Variants in PGBD5 observed in about 807,000 individuals in gnomAD.
PGBD5 encodes piggyBac transposable element-derived protein 5.
In PGBD5, 14 loss-of-function variants were observed where a neutral mutation model predicts 47.9. That is an observed-to-expected ratio of 0.29 (90% CI 0.19 to 0.46). PGBD5 has a LOEUF of 0.46. Ranked by LOEUF, PGBD5 falls within the 20% of genes least tolerant of loss-of-function variation. The pLI is 1.00. For synonymous variants in PGBD5, 316 were observed against 306.3 expected (o/e 1.03, Z -0.33); for missense variants, 635 against 716.0 (o/e 0.89, Z 1.29).
chr1:230,381,583 T>C (rs1050003773), intron 1 of PGBD5, among the ~76,000 whole-genome samples: 1 of 152,248 alleles, frequency 6.6e-6, no homozygotes, highest in East Asian at 1.9e-4. Flanking sequence ...CCCAGGCACT[T>C]AGCAGTGGGA....
chr1:230,349,534 C>CAAA (rs11446040), intron 3 of PGBD5, among the ~76,000 whole-genome samples: 1,309 of 82,374 alleles, frequency 0.016, 45 homozygotes, highest in Middle Eastern at 0.023. Context: ...GACCCCGTCT[C>CAAA]AAAAAAAAAA....
At chr1:230,374,088 A>G (rs1667975103) in intron 1 of PGBD5, among the ~76,000 whole-genome samples, 1 of 152,232 alleles carries the variant, frequency 6.6e-6, no homozygotes, top group Non-Finnish European at 1.5e-5. Flanking sequence ...CTCTCTCTAC[A>G]TTAAAAGGAA....
rs1457440293 is a variant in PGBD5, at chr1:230,316,058, GTA to G, written c.*7365_*7366del. 1.6e-3 allele frequency: 198 copies of G among 122,316 alleles called. 23 individuals carry two copies. Among genetic ancestry groups the G allele is most frequent in the African/African-American group, 4.9e-3 (166 of 33,668 alleles). The allele number at this position is 122,316 out of a possible 1,614,324, so 7.6% of individuals were successfully genotyped here. A position where few individuals can be genotyped will look rare whatever the true frequency, so the allele number is the denominator to read the frequency against. On this transcript the variant is annotated 3_prime_UTR_variant, in exon 7 of 7. Transcript: ENST00000391860. Reference sequence around the variant, plus strand: ...CATAAGTATATGTGTACACATATATGTATGTGTATACATACATGTTTATGTGT... The same window carrying G: ...CATAAGTATATGTGTACACATATATGTGTGTATACATACATGTTTATGTGT...
intron 1 of PGBD5, chr1:230,362,252 T>G (rs1160891688): frequency 1.5e-6 from 2 of 1,362,028 alleles, no homozygotes; most frequent in South Asian, 2.3e-5. Context: ...GGGATTTAGC[T>G]TCCTCTACCA....
At chr1:230,404,612 A>G (rs1657249826) in intron 1 of PGBD5, among the ~76,000 whole-genome samples, 1 of 45,634 alleles carries the variant, frequency 2.2e-5, no homozygotes, top group East Asian at 2.7e-4. Flanking sequence ...GTCTTGTCTC[A>G]AAAAAAAAAA....
At chr1:230,384,770 T>C (rs1656594391) in intron 1 of PGBD5, among the ~76,000 whole-genome samples, 2 of 152,178 alleles carry the variant, frequency 1.3e-5, no homozygotes, top group African/African-American at 2.4e-5. Context: ...TGTGTTAAAT[T>C]CTCTGCACTC....
intron 3 of PGBD5, among the ~76,000 whole-genome samples, chr1:230,350,005 G>A (rs1337416794): frequency 6.6e-6 from 1 of 152,238 alleles, no homozygotes; most frequent in Non-Finnish European, 1.5e-5. Flanking sequence ...TCCCCACTGT[G>A]GTTCTGGAGT....
chr1:230,382,096 A>C (rs1656515844), intron 1 of PGBD5, among the ~76,000 whole-genome samples: 1 of 151,376 alleles, frequency 6.6e-6, no homozygotes, highest in Non-Finnish European at 1.5e-5. Flanking sequence ...AGTCCTGCCC[A>C]ATTCTTCCCT....
intron 1 of PGBD5, among the ~76,000 whole-genome samples, chr1:230,403,159 G>T (rs1364230049): frequency 2.6e-5 from 4 of 152,198 alleles, no homozygotes; most frequent in Non-Finnish European, 5.9e-5. Flanking sequence ...GCACCTAAGA[G>T]TTTGACCAAA....
At chr1:230,365,493 AC>A (rs1667813766) in intron 1 of PGBD5, among the ~76,000 whole-genome samples, 3 of 152,186 alleles carry the variant, frequency 2.0e-5, no homozygotes, top group Non-Finnish European at 4.4e-5. Flanking sequence ...AGGCACCCGT[AC>A]ACATAAAAGA....
chr1:230,399,357 G>A (rs1290385766), intron 1 of PGBD5, among the ~76,000 whole-genome samples: 4 of 152,132 alleles, frequency 2.6e-5, no homozygotes, highest in African/African-American at 4.8e-5. Context: ...CAGGGAGTCC[G>A]TTCTCCCACG....
At chr1:230,347,859 T>C (rs1307544195) in intron 3 of PGBD5, among the ~76,000 whole-genome samples, 4 of 152,134 alleles carry the variant, frequency 2.6e-5, no homozygotes, top group African/African-American at 7.2e-5. Flanking sequence ...CGATGTGCCA[T>C]ATAATAAACA....
intron 1 of PGBD5, among the ~76,000 whole-genome samples, chr1:230,371,607 C>T (rs828449): frequency 0.71 from 108,716 of 152,106 alleles, 39,273 homozygotes; most frequent in Non-Finnish European, 0.74. Context: ...GTCAGATTAT[C>T]CCTTCTGGAA....
At position 230,319,317 on chromosome 1, in the gene PGBD5, C is replaced by T. The variant is rs907448498; in HGVS notation, c.*4108G>A. 1.3e-5 allele frequency: 2 copies of T among 152,320 alleles called. No homozygotes were observed. The highest frequency in any genetic ancestry group is 4.8e-5 in the African/African-American group (2 of 41,464). The allele number at this position is 152,320 out of a possible 1,614,324, so 9.4% of individuals were successfully genotyped here. On this transcript the variant is annotated 3_prime_UTR_variant, in exon 7 of 7. Coordinates refer to ENST00000391860, the MANE Select transcript of PGBD5 (RefSeq NM_001258311.2). ...CTGTCATACCTTTCAAACACAGCACCTGCGAGGATGCAGGAGACAGATCTG... is the reference window on the plus strand; with the variant it reads ...CTGTCATACCTTTCAAACACAGCACTTGCGAGGATGCAGGAGACAGATCTG...
At chr1:230,336,869 G>A (rs921348525) in intron 4 of PGBD5, among the ~76,000 whole-genome samples, 3 of 152,172 alleles carry the variant, frequency 2.0e-5, no homozygotes, top group Non-Finnish European at 2.9e-5. Flanking sequence ...AGAGCTTTGC[G>A]CCGACATGTC....
At chr1:230,400,247 C>T (rs1657104161) in intron 1 of PGBD5, among the ~76,000 whole-genome samples, 1 of 152,206 alleles carries the variant, frequency 6.6e-6, no homozygotes. Flanking sequence ...TGGGCCAACT[C>T]CTTCACCGCC....
chr1:230,404,542 T>C lies in PGBD5; in HGVS notation c.331+21056A>G, dbSNP rs374152618. On this transcript the variant is annotated intron_variant, in intron 1 of 6. Transcript: ENST00000391860. Reference sequence around the variant, plus strand: ...GGAGGATCACTTGAGCACAGGAGGCTGAGGCTGCAGTGGGCTGCAACTGTG... The same window carrying C: ...GGAGGATCACTTGAGCACAGGAGGCCGAGGCTGCAGTGGGCTGCAACTGTG... Among the ~76,000 whole-genome samples, 125 of 148,126 alleles carry C rather than the reference T, an allele frequency of 8.4e-4. No homozygotes were observed. The Middle Eastern group carries it at 0.025, about 30-fold the overall frequency.
At chr1:230,374,917 T>A (rs76415459) in intron 1 of PGBD5, among the ~76,000 whole-genome samples, 1 of 152,196 alleles carries the variant, frequency 6.6e-6, no homozygotes, top group Non-Finnish European at 1.5e-5. Flanking sequence ...CAGGAGCCCA[T>A]GAGGAGAGAG....
chr1:230,333,773 G>A (rs1055377680), intron 4 of PGBD5, among the ~76,000 whole-genome samples: 1 of 152,228 alleles, frequency 6.6e-6, no homozygotes, highest in Non-Finnish European at 1.5e-5. Context: ...GCTTGAGCTC[G>A]GTCTTTCAGG....
Sources: gnomAD v4.1 joint callset for allele counts (sites outside exome capture counted in the v4.1 genomes callset) on GRCh38, gnomAD v4.1.1 for gene constraint, MANE v1.5 for transcripts, NCBI Gene and HGNC (gene_info 2026-07-23, HGNC 2026-07-21) for gene names.